DEFB116: variants seen among roughly 807,000 people sequenced by gnomAD.
DEFB116 encodes the protein defensin beta 116, also known as beta-defensin 116.
A neutral mutation model predicts 2.8 loss-of-function variants in DEFB116; 5 were observed. That is an observed-to-expected ratio of 1.80 (90% CI 0.94 to 3.79). The LOEUF is 3.79. Ranked by LOEUF, DEFB116 falls within the 30% of genes most tolerant of loss-of-function variation. DEFB116 has a pLI of 0.00. For synonymous variants in DEFB116, 56 were observed against 40.8 expected (o/e 1.37, Z -1.42); for missense variants, 170 against 118.0 (o/e 1.44, Z -2.04).
intron 1 of DEFB116, among the ~76,000 whole-genome samples, chr20:31,307,139 C>A (rs1000518031): frequency 7.2e-5 from 11 of 152,034 alleles, no homozygotes; most frequent in African/African-American, 1.9e-4. Context: ...ATGCCATAAA[C>A]CTATCCACGC....
chr20:31,304,622 A>T (rs1984951967), intron 1 of DEFB116, among the ~76,000 whole-genome samples: 1 of 152,054 alleles, frequency 6.6e-6, no homozygotes, highest in South Asian at 2.1e-4. Context: ...TGATAGGCAC[A>T]GAGAAGACGG....
Position 31,308,529 on chromosome 20 carries a change from T to C in DEFB116, c.57A>G (p.Gln19=). Residue 19 remains glutamine (Q), a synonymous_variant, in exon 1 of 2, where the codon CAA becomes CAG. Coordinates refer to ENST00000400549, the MANE Select transcript of DEFB116 (RefSeq NM_001037731.1). The stretch of plus-strand genomic sequence containing the variant: ...AGAGGCCTGAGTTACCTGGAGTCTT[T>C]TGAGCCAGGATCATAAGGATGGCAA... ...MTIAILMILA[Q]KTPGGLFRSH... 6.2e-7 allele frequency: 1 copy of C among 1,613,480 alleles called. No individual in the cohort carries two copies. The highest frequency in any genetic ancestry group is 8.5e-7 in the Non-Finnish European group (1 of 1,179,528).
In DEFB116 at chr20:31,303,245, T is replaced by C. The variant is rs1984922460; in HGVS notation, c.276A>G (p.Ser92=). The C allele has an allele frequency of 6.2e-7, 1 of 1,613,534 alleles. No homozygotes were observed. The highest frequency in any genetic ancestry group is 8.5e-7 in the Non-Finnish European group (1 of 1,179,548). Residue 92 remains serine (S), a synonymous_variant, in exon 2 of 2, where the codon TCA becomes TCG. Coordinates refer to ENST00000400549, the MANE Select transcript of DEFB116 (RefSeq NM_001037731.1). ...GAGAGTAGCTTGAACTGTTTGTAAC[T>C]GACAAGTTGGAGTTAGAGTCGTAAT... The part of the protein sequence containing the change: ...KEDYDSNSNL[S]VTNSSSYSHI
At chr20:31,303,539 C>T in intron 1 of DEFB116, 86 bp from the exon 2 acceptor site, 2 of 1,513,932 alleles carry the variant, frequency 1.3e-6, no homozygotes, top group Non-Finnish European at 1.8e-6. Flanking sequence ...CGCCCTAAGA[C>T]TATTAAGGGC....
chr20:31,304,906 T>C (rs890091871), intron 1 of DEFB116, among the ~76,000 whole-genome samples: 1 of 152,098 alleles, frequency 6.6e-6, no homozygotes, highest in Non-Finnish European at 1.5e-5. Flanking sequence ...ACTTTGCTAA[T>C]TTTTAGATTA....
At position 31,308,556 on chromosome 20, in the gene DEFB116, G is replaced by A; in HGVS notation, c.30C>T (p.Thr10=). The A allele has an allele frequency of 6.2e-7, 1 of 1,613,522 alleles. No individual in the cohort carries two copies. Among genetic ancestry groups the A allele is most frequent in the Non-Finnish European group, 8.5e-7 (1 of 1,179,542 alleles). MSVMKPCLM[T]IAILMILAQK... is the part of the protein sequence containing the mutation. ...GAGCCAGGATCATAAGGATGGCAAT[G>A]GTCATTAAACAGGGCTTCATGACTG... The change falls in exon 1 of 2, where the codon ACC becomes ACT. Residue 10 remains threonine, a synonymous_variant. Coordinates refer to ENST00000400549, the MANE Select transcript of DEFB116 (RefSeq NM_001037731.1).
chr20:31,308,413 G>C, intron 1 of DEFB116, 106 bp downstream of exon 1: 2 of 1,083,940 alleles, frequency 1.8e-6, no homozygotes, highest in Non-Finnish European at 2.8e-6. Context: ...ACCAGAAAAG[G>C]CTTTAGGTGT....
chr20:31,306,757 T>A (rs1356857864), intron 1 of DEFB116, among the ~76,000 whole-genome samples: 5 of 152,082 alleles, frequency 3.3e-5, no homozygotes, highest in African/African-American at 1.2e-4. Flanking sequence ...GAACTCACTA[T>A]CGAGGAAGGA....
At chr20:31,305,043 G>T (rs879410242) in intron 1 of DEFB116, among the ~76,000 whole-genome samples, 5 of 151,968 alleles carry the variant, frequency 3.3e-5, no homozygotes, top group Non-Finnish European at 7.4e-5. Context: ...ACTGCCCCAG[G>T]AATCCAGAGA....
chr20:31,305,532 C>T (rs538268228), intron 1 of DEFB116, among the ~76,000 whole-genome samples: 1 of 152,046 alleles, frequency 6.6e-6, no homozygotes, highest in Non-Finnish European at 1.5e-5. Flanking sequence ...TTTCTTACTC[C>T]TACAGCTTTT....
chr20:31,303,307 A>T lies in DEFB116; in HGVS notation c.214T>A (p.Ser72Thr), dbSNP rs1198254118. 1 of 1,613,586 alleles carries T rather than the reference A, an allele frequency of 6.2e-7. No homozygotes were observed. Among genetic ancestry groups the T allele is most frequent in the Non-Finnish European group, 8.5e-7 (1 of 1,179,582 alleles). ...TTTTTAGAACTGGTTATTTTCACAGAAAGTTTCAGGCAGCACTTTTGATCA... is the reference window on the plus strand; with the variant it reads ...TTTTTAGAACTGGTTATTTTCACAGTAAGTTTCAGGCAGCACTTTTGATCA... ...PNDQKCCLKL[S>T]VKITSSKNVK... The change falls in exon 2 of 2, where the codon TCT becomes ACT. Residue 72 changes from serine (S) to threonine (T), a missense_variant. Coordinates refer to ENST00000400549, the MANE Select transcript of DEFB116 (RefSeq NM_001037731.1).
chr20:31,305,347 C>G (rs911843127), intron 1 of DEFB116, among the ~76,000 whole-genome samples: 35 of 151,962 alleles, frequency 2.3e-4, no homozygotes, highest in African/African-American at 8.2e-4. Context: ...GTTGGAGACC[C>G]AAGATTTCCT....
Position 31,304,154 on chromosome 20 carries a change from A to T in DEFB116, c.68-701T>A, listed in dbSNP as rs1178045527. On this transcript the variant is annotated intron_variant, in intron 1 of 1. Coordinates refer to ENST00000400549, the MANE Select transcript of DEFB116 (RefSeq NM_001037731.1). ...CTCACTGTACAAACCTTCACCATGC[A>T]CTTTCCACATATTGCTAATTGCACC... Among the ~76,000 whole-genome samples the T allele has an allele frequency of 2.0e-5, 3 of 152,046 alleles. No individual in the cohort carries two copies. The East Asian group carries it at 5.8e-4, about 29-fold the overall frequency.
intron 1 of DEFB116, among the ~76,000 whole-genome samples, chr20:31,306,860 C>T (rs1985001165): frequency 6.6e-6 from 1 of 152,080 alleles, no homozygotes. Flanking sequence ...TCCAAACATT[C>T]CAGTCTCCTG....
intron 1 of DEFB116, among the ~76,000 whole-genome samples, chr20:31,306,759 G>A (rs574078786): frequency 1.3e-5 from 2 of 152,174 alleles, no homozygotes; most frequent in South Asian, 4.1e-4. Flanking sequence ...ACTCACTATC[G>A]AGGAAGGAAG....
At position 31,305,146 on chromosome 20, in the gene DEFB116, T is replaced by C. The variant is rs1984965867; in HGVS notation, c.68-1693A>G. Among the ~76,000 whole-genome samples the C allele has an allele frequency of 3.3e-5, 5 of 152,202 alleles. No individual in the cohort carries two copies. In the South Asian group the frequency reaches 1.0e-3, roughly 32 times the overall value. ...CTGATTCATCCATGCTCCAGCACAA[T>C]GATATCACTGTGTTTCCCACCTTAA... On this transcript the variant is annotated intron_variant, in intron 1 of 1. Coordinates refer to ENST00000400549, the MANE Select transcript of DEFB116 (RefSeq NM_001037731.1).
rs1184516725 is a variant in DEFB116 at position 31,303,318 on chromosome 20, C to T, written c.203G>A (p.Cys68Tyr). 6.2e-7 allele frequency: 1 copy of T among 1,613,462 alleles called. No individual in the cohort carries two copies. Among genetic ancestry groups the T allele is most frequent in the African/African-American group, 1.3e-5 (1 of 74,868 alleles). Residue 68 changes from cysteine (C) to tyrosine (Y), a missense_variant, in exon 2 of 2, where the codon TGC becomes TAC. By Grantham distance (194) the Cys-to-Tyr change is radical. Transcript: ENST00000400549. ...GGTTATTTTCACAGAAAGTTTCAGG[C>T]AGCACTTTTGATCATTTGGGCAGGT... ...YLTCPNDQKCCLKLSVKITSS... is the reference protein window; with the variant it reads ...YLTCPNDQKCYLKLSVKITSS...
At chr20:31,307,166 A>T (rs1363254774) in intron 1 of DEFB116, among the ~76,000 whole-genome samples, 1 of 152,078 alleles carries the variant, frequency 6.6e-6, no homozygotes, top group Non-Finnish European at 1.5e-5. Context: ...GTTTTCTCCC[A>T]CCATCTTATT....
intron 1 of DEFB116, among the ~76,000 whole-genome samples, chr20:31,307,632 T>A (rs145703253): frequency 6.6e-6 from 1 of 151,976 alleles, no homozygotes; most frequent in East Asian, 1.9e-4. Flanking sequence ...AGAAACAACC[T>A]ATGGAATGGG....
Sources: gnomAD v4.1 joint callset for allele counts (sites outside exome capture counted in the v4.1 genomes callset) on GRCh38, gnomAD v4.1.1 for gene constraint, MANE v1.5 for transcripts, NCBI Gene and HGNC (gene_info 2026-07-23, HGNC 2026-07-21) for gene names.